RNF130: variants seen among roughly 807,000 people sequenced by gnomAD.
The protein encoded by RNF130 is E3 ubiquitin-protein ligase RNF130.
RNF130 carries 21 observed loss-of-function variants against 44.6 expected under a neutral mutation model. The ratio of observed to expected loss-of-function variants is 0.47; its 90% CI spans 0.33 to 0.68. The LOEUF (loss-of-function observed/expected upper bound fraction) is 0.68. Ranked by LOEUF, RNF130 falls within the 30% of genes least tolerant of loss-of-function variation. RNF130 has a pLI of 0.02. For synonymous variants in RNF130, 214 were observed against 210.4 expected (o/e 1.02, Z -0.15); for missense variants, 479 against 560.6 (o/e 0.85, Z 1.47).
At chr5:180,051,555 A>G (rs1170233670) in intron 1 of RNF130, among the ~76,000 whole-genome samples, 1 of 152,164 alleles carries the variant, frequency 6.6e-6, no homozygotes, top group East Asian at 1.9e-4. Context: ...AGAATTTTTA[A>G]GAAGGTGGCA....
In RNF130 at chr5:179,923,278, G is replaced by A. The variant is rs114261335; in HGVS notation, c.1151-2852C>T. Among the ~76,000 whole-genome samples, 676 of 151,800 alleles carry A rather than the reference G, an allele frequency of 4.5e-3. 4 individuals are homozygous for A. The highest frequency in any genetic ancestry group is 0.016 in the African/African-American group (641 of 41,348). On this transcript the variant is annotated intron_variant, in intron 7 of 7. Coordinates refer to the RNF130 transcript ENST00000522208. Reference sequence around the variant, plus strand: ...CATATGGATATCCAATTGTTCCGTCGTCGATTGTTTAAAAGATTATCCTTT... The same window carrying A: ...CATATGGATATCCAATTGTTCCGTCATCGATTGTTTAAAAGATTATCCTTT...
intron 8 of RNF130, among the ~76,000 whole-genome samples, chr5:179,958,485 C>T (rs1178524432): frequency 1.3e-5 from 2 of 152,152 alleles, no homozygotes; most frequent in Non-Finnish European, 2.9e-5. Context: ...CAGCTCTCCT[C>T]GGCCTCTGAT....
intron 5 of RNF130, among the ~76,000 whole-genome samples, chr5:179,974,680 G>A (rs1164876872): frequency 6.6e-6 from 1 of 152,214 alleles, no homozygotes; most frequent in Non-Finnish European, 1.5e-5. Context: ...CAGACGCTGT[G>A]GGGCAGTACT....
At chr5:180,015,606 AG>A (rs145846693) in intron 2 of RNF130, among the ~76,000 whole-genome samples, 1 of 21,150 alleles carries the variant, frequency 4.7e-5, no homozygotes, top group South Asian at 3.3e-3. Flanking sequence ...GGAAAGGAGT[AG>A]GGAAAGGAGT....
chr5:180,036,701 G>A (rs375637597), intron 2 of RNF130, among the ~76,000 whole-genome samples: 6 of 152,196 alleles, frequency 3.9e-5, no homozygotes, highest in South Asian at 2.1e-4. Context: ...CGTCTTAACC[G>A]GAAGTGCTAC....
rs457952 is a variant in RNF130 at position 180,003,364 on chromosome 5, C to T, written c.693+9697G>A. On this transcript the variant is annotated intron_variant, in intron 3 of 8. Coordinates refer to ENST00000521389, the MANE Select transcript of RNF130 (RefSeq NM_018434.6). ...AGCAGTCCAGTCTTCAGCAAGCTGACGTGAATGCATGTAGGTTATCTAATC... is the reference window on the plus strand; with the variant it reads ...AGCAGTCCAGTCTTCAGCAAGCTGATGTGAATGCATGTAGGTTATCTAATC... Among the ~76,000 whole-genome samples the T allele has an allele frequency of 2.9e-3, 446 of 152,236 alleles. 1 individual carries two copies. The highest frequency in any genetic ancestry group is 4.5e-3 in the Non-Finnish European group (305 of 68,018).
intron 3 of RNF130, among the ~76,000 whole-genome samples, chr5:180,010,116 A>G (rs1392881756): frequency 2.6e-5 from 4 of 151,744 alleles, no homozygotes; most frequent in Non-Finnish European, 5.9e-5. Flanking sequence ...GCACGGTGGC[A>G]GGCACCTGTA....
chr5:180,043,435 C>A (rs1044418562), intron 1 of RNF130, among the ~76,000 whole-genome samples: 3 of 152,056 alleles, frequency 2.0e-5, no homozygotes, highest in African/African-American at 7.2e-5. Flanking sequence ...GTTTGGTCCC[C>A]TTGGGAGTTT....
chr5:180,021,358 C>A (rs1763869964), intron 2 of RNF130, among the ~76,000 whole-genome samples: 1 of 152,030 alleles, frequency 6.6e-6, no homozygotes. Flanking sequence ...ACTGAATAAA[C>A]CTGTTTTTCA....
chr5:179,951,538 C>T (rs1039499357), downstream of RNF130, among the ~76,000 whole-genome samples: 1 of 152,164 alleles, frequency 6.6e-6, no homozygotes, highest in African/African-American at 2.4e-5. Context: ...CGCCCGCCAC[C>T]ACGCCCGGCT....
chr5:180,060,894 C>T lies in RNF130; in HGVS notation c.247+10562G>A, dbSNP rs935958550. Among the ~76,000 whole-genome samples, 4 of 151,762 alleles carry T rather than the reference C, an allele frequency of 2.6e-5. No individual in the cohort carries two copies. In the South Asian group the frequency reaches 6.2e-4, roughly 24 times the overall value. ...ACCATCCTGGCTAACACGGTGAAAC[C>T]CCGTCTCTACTAAAAATACAAAAAA... On this transcript the variant is annotated intron_variant, in intron 1 of 8. Transcript: ENST00000521389.
chr5:179,938,462 G>A (rs777468854), intron 7 of RNF130, among the ~76,000 whole-genome samples: 1 of 151,990 alleles, frequency 6.6e-6, no homozygotes, highest in African/African-American at 2.4e-5. Context: ...TTGGGGTGAT[G>A]AAAACGTTTT....
intron 3 of RNF130, among the ~76,000 whole-genome samples, chr5:179,995,166 C>T (rs1421272691): frequency 2.6e-5 from 4 of 152,048 alleles, no homozygotes; most frequent in African/African-American, 4.8e-5. Flanking sequence ...AAGGGCAAAC[C>T]CATTGTTAAA....
At chr5:180,013,407 C>A in intron 2 of RNF130, 96 bp from the exon 3 acceptor site, 1 of 1,119,380 alleles carries the variant, frequency 8.9e-7, no homozygotes, top group Non-Finnish European at 1.2e-6. Context: ...ACTATAATGT[C>A]TGGTAATGGA....
At chr5:179,921,969 G>A (rs947097593) in intron 7 of RNF130, among the ~76,000 whole-genome samples, 5 of 151,816 alleles carry the variant, frequency 3.3e-5, no homozygotes, top group Admixed American at 1.3e-4. Flanking sequence ...TGCAGTGAGC[G>A]GAGATTGCAC....
intron 2 of RNF130, among the ~76,000 whole-genome samples, chr5:180,020,094 G>A (rs996952511): frequency 1.3e-5 from 2 of 152,194 alleles, no homozygotes; most frequent in Non-Finnish European, 2.9e-5. Flanking sequence ...CACTGGTCAG[G>A]ACACAGGACA....
chr5:180,046,900 G>A (rs34674199), intron 1 of RNF130, among the ~76,000 whole-genome samples: 19,157 of 152,096 alleles, frequency 0.13, 1,365 homozygotes, highest in East Asian at 0.25. Context: ...CATCTCCTGC[G>A]AATATGTCTG....
At chr5:179,960,023 C>T (rs1762292300) in intron 8 of RNF130, among the ~76,000 whole-genome samples, 1 of 152,166 alleles carries the variant, frequency 6.6e-6, no homozygotes, top group African/African-American at 2.4e-5. Flanking sequence ...CAAATCTCTA[C>T]TACACATTTG....
chr5:179,994,032 T>C (rs1477330527), intron 3 of RNF130, among the ~76,000 whole-genome samples: 1 of 152,174 alleles, frequency 6.6e-6, no homozygotes, highest in African/African-American at 2.4e-5. Context: ...GATCCGATAG[T>C]TGTAGATGTG....
Sources: allele counts gnomAD v4.1 joint callset (sites outside exome capture counted in the v4.1 genomes callset), GRCh38; gene constraint gnomAD v4.1.1; transcripts MANE v1.5; gene names NCBI Gene and HGNC (gene_info 2026-07-23, HGNC 2026-07-21).